The following CLASP1 variants were observed in gnomAD, a reference collection of about 807,000 sequenced individuals.
CLASP1 encodes cytoplasmic linker associated protein 1.
CLASP1 carries 38 observed loss-of-function variants against 192.3 expected under a neutral mutation model. The observed-to-expected ratio is 0.20, with a 90% CI of 0.15 to 0.26. The LOEUF (loss-of-function observed/expected upper bound fraction) is 0.26, where lower values mean the gene tolerates loss of function less well. Among genes scored for constraint, CLASP1 ranks in the 10% least tolerant of loss-of-function variants. The probability of loss-of-function intolerance (pLI) is 1.00; values close to 1 mark genes in which losing one functional copy is unlikely to be tolerated. For missense variants in CLASP1, 1,433 were observed against 1,932.5 expected (o/e 0.74, Z 4.85); for synonymous variants, 691 against 712.8 (o/e 0.97, Z 0.49).
At chr2:121,511,677 A>C (rs2094140672) in intron 7 of CLASP1, among the ~76,000 whole-genome samples, 1 of 152,206 alleles carries the variant, frequency 6.6e-6, no homozygotes, top group Non-Finnish European at 1.5e-5. Flanking sequence ...AAAATTTTTA[A>C]ATAGCAATAC....
At chr2:121,485,662 G>C (rs2092923425) in intron 8 of CLASP1, among the ~76,000 whole-genome samples, 1 of 152,024 alleles carries the variant, frequency 6.6e-6, no homozygotes, top group Non-Finnish European at 1.5e-5. Context: ...TCAGGAGTTT[G>C]AGACCTGCCT....
chr2:121,515,371 G>A (rs941365453), intron 7 of CLASP1, among the ~76,000 whole-genome samples: 3 of 152,146 alleles, frequency 2.0e-5, no homozygotes, highest in Admixed American at 6.5e-5. Context: ...CATAGATACA[G>A]AACCATAAAA....
rs182386052 is a variant in CLASP1, at chr2:121,371,219, G to A, written c.3643-3388C>T. 2.1e-3 allele frequency among the ~76,000 whole-genome samples: 315 copies of A among 150,832 alleles called. 1 individual carries two copies. The highest frequency in any genetic ancestry group is 0.021 in the Middle Eastern group (6 of 290). Reference sequence around the variant, plus strand: ...ATATTAAGTGTGTGTGTGTGTGTGTGTATATATACATATATATATATTTTT... The same window carrying A: ...ATATTAAGTGTGTGTGTGTGTGTGTATATATATACATATATATATATTTTT... On this transcript the variant is annotated intron_variant, in intron 34 of 39. Transcript: ENST00000263710.
At chr2:121,481,388 CA>C (rs942843056) in intron 8 of CLASP1, among the ~76,000 whole-genome samples, 19 of 152,074 alleles carry the variant, frequency 1.2e-4, no homozygotes, top group African/African-American at 4.6e-4. Flanking sequence ...GAACTGATTC[CA>C]AAGGTTAAAA....
At chr2:121,563,384 C>T (rs1240219018) in intron 2 of CLASP1, among the ~76,000 whole-genome samples, 1 of 152,170 alleles carries the variant, frequency 6.6e-6, no homozygotes, top group South Asian at 2.1e-4. Context: ...AAAGAGGAGG[C>T]AGAAAGAATC....
At chr2:121,490,677 C>T (rs1234545869) in intron 8 of CLASP1, among the ~76,000 whole-genome samples, 1 of 152,206 alleles carries the variant, frequency 6.6e-6, no homozygotes, top group African/African-American at 2.4e-5. Flanking sequence ...CTGTCTGCTG[C>T]AGCTTATGCG....
intron 14 of CLASP1, among the ~76,000 whole-genome samples, chr2:121,453,378 C>T (rs1168704993): frequency 6.6e-6 from 1 of 152,152 alleles, no homozygotes; most frequent in East Asian, 1.9e-4. Flanking sequence ...CAAGACACAG[C>T]CCAGAGAACA....
intron 2 of CLASP1, among the ~76,000 whole-genome samples, chr2:121,555,988 CTTTTTTTTTTTTTT>C (rs34423741): frequency 3.1e-4 from 13 of 42,394 alleles, no homozygotes; most frequent in South Asian, 1.2e-3. Context: ...CTACCCACCG[CTTTTTTTTTTTTTT>C]TTTTTTTTTT....
intron 1 of CLASP1, among the ~76,000 whole-genome samples, chr2:121,632,383 A>C (rs1021887974): frequency 6.6e-6 from 1 of 152,246 alleles, no homozygotes; most frequent in Non-Finnish European, 1.5e-5. Context: ...ATTTATTCAT[A>C]TATGTGCAAA....
intron 2 of CLASP1, among the ~76,000 whole-genome samples, chr2:121,559,388 C>T (rs2058870561): frequency 6.6e-6 from 1 of 152,168 alleles, no homozygotes; most frequent in Admixed American, 6.5e-5. Context: ...CACACAAAAA[C>T]ATGAATATTC....
chr2:121,410,786 G>T, intron 24 of CLASP1, 80 bp downstream of exon 25: 1 of 754,520 alleles, frequency 1.3e-6, no homozygotes, highest in Non-Finnish European at 2.1e-6. Flanking sequence ...CCTGATTTGG[G>T]GGCAATTTCC....
rs1380374717 is a variant in CLASP1, at chr2:121,530,950, A to AT, written c.196-626_196-625insA. 8.6e-6 allele frequency: 6 copies of AT among 700,270 alleles called. No individual in the cohort carries two copies. The African/African-American group carries it at 8.7e-5, about 10-fold the overall frequency. The allele number at this position is 700,270 out of a possible 1,614,324, so 43.4% of individuals were successfully genotyped here. On this transcript the variant is annotated intron_variant, in intron 2 of 39. Transcript: ENST00000263710. The stretch of plus-strand genomic sequence containing the variant: ...GTGAGGGCAGTACTGCTAACGCCTG[A>AT]ACAACACACCCGCATCAACTAGAGC...
intron 2 of CLASP1, among the ~76,000 whole-genome samples, chr2:121,552,170 C>T (rs1227740099): frequency 2.6e-5 from 4 of 152,166 alleles, no homozygotes; most frequent in African/African-American, 9.7e-5. Flanking sequence ...CCGTGCCTTA[C>T]ACCATACATA....
intron 1 of CLASP1, among the ~76,000 whole-genome samples, chr2:121,649,029 C>T (rs867355172): frequency 4.0e-4 from 61 of 152,300 alleles, no homozygotes; most frequent in African/African-American, 1.4e-3. Context: ...CTGGCTTCTC[C>T]CACCCGGCAG....
intron 2 of CLASP1, among the ~76,000 whole-genome samples, chr2:121,586,101 T>C (rs912322775): frequency 3.3e-5 from 5 of 152,072 alleles, no homozygotes; most frequent in Non-Finnish European, 4.4e-5. Flanking sequence ...ATAGCTGACA[T>C]GTACTTTGAC....
chr2:121,624,082 A>G (rs13007145), intron 1 of CLASP1, among the ~76,000 whole-genome samples: 36,031 of 151,838 alleles, frequency 0.24, 6,457 homozygotes, highest in African/African-American at 0.5. Flanking sequence ...TGATCTTTGC[A>G]CAGAACCTAT....
intron 37 of CLASP1, among the ~76,000 whole-genome samples, chr2:121,356,413 G>A (rs1252153521): frequency 6.6e-6 from 1 of 152,214 alleles, no homozygotes; most frequent in Non-Finnish European, 1.5e-5. Context: ...CTGAACCTGG[G>A]ACGAGAGTCC....
chr2:121,375,651 C>T (rs1353975122), intron 34 of CLASP1, among the ~76,000 whole-genome samples: 3 of 152,206 alleles, frequency 2.0e-5, no homozygotes, highest in South Asian at 4.1e-4. Flanking sequence ...TGTGAGCCAC[C>T]GCACCTAGCT....
intron 32 of CLASP1, among the ~76,000 whole-genome samples, chr2:121,386,746 T>C (rs747471459): frequency 1.3e-5 from 2 of 152,234 alleles, no homozygotes; most frequent in African/African-American, 4.8e-5. Context: ...TAACTGACTA[T>C]AACAAGTTGG....
Sources: allele counts gnomAD v4.1 joint callset (sites outside exome capture counted in the v4.1 genomes callset), GRCh38; gene constraint gnomAD v4.1.1; transcripts MANE v1.5; gene names NCBI Gene and HGNC (gene_info 2026-07-23, HGNC 2026-07-21).